The following PRELID2 variants were observed in gnomAD, a reference collection of about 807,000 sequenced individuals.
PRELID2 encodes the protein PRELI domain-containing protein 2.
PRELID2 carries 25 observed loss-of-function variants against 28.4 expected under a neutral mutation model. The observed-to-expected ratio is 0.88, with a 90% confidence interval of 0.64 to 1.23. The LOEUF is 1.23. Among genes scored for constraint, PRELID2 ranks in the 50% most tolerant of loss-of-function variants. The probability of loss-of-function intolerance (pLI) is 0.00; values close to 1 mark genes in which losing one functional copy is unlikely to be tolerated. For synonymous variants in PRELID2, 76 were observed against 71.6 expected (o/e 1.06, Z -0.31); for missense variants, 201 against 214.4 (o/e 0.94, Z 0.39).
the PRELID2 span, among the ~76,000 whole-genome samples, chr5:145,292,306 G>T: frequency 6.6e-6 from 1 of 152,080 alleles, no homozygotes; most frequent in African/African-American, 2.4e-5. Context: ...GACTAAACAA[G>T]ACAAGAGAGG....
rs369759906 is a variant in PRELID2, at chr5:145,504,123, A to C, written n.71-30808T>G. Among the ~76,000 whole-genome samples the C allele has an allele frequency of 5.3e-5, 8 of 152,270 alleles. No homozygotes were observed. In the East Asian group the frequency reaches 1.5e-3, roughly 29 times the overall value. On this transcript the variant is annotated intron_variant and non_coding_transcript_variant, in intron 1 of 2. Coordinates refer to the PRELID2 transcript ENST00000510259. ...CTTTAAAGTGCTAGACTATAATGCC[A>C]CTCAGACTGGTGAGCAACCAAGAAT...
chr5:145,349,485 T>C, the PRELID2 span, among the ~76,000 whole-genome samples: 406 of 152,146 alleles, frequency 2.7e-3, no homozygotes, highest in Middle Eastern at 6.8e-3. Flanking sequence ...CTTATTATTA[T>C]ATGACTTCAT....
intron 1 of PRELID2, among the ~76,000 whole-genome samples, chr5:145,705,195 CT>C (rs199698718): frequency 1.6e-3 from 229 of 144,568 alleles, no homozygotes; most frequent in East Asian, 2.8e-3. Flanking sequence ...CAAAAAGTAC[CT>C]TTTTTTTTTT....
chr5:145,317,962 C>T, the PRELID2 span, among the ~76,000 whole-genome samples: 1 of 152,154 alleles, frequency 6.6e-6, no homozygotes, highest in Admixed American at 6.5e-5. Flanking sequence ...TAGCAGCTAA[C>T]ATTTGCTGAA....
chr5:145,530,079 T>C (rs1482170866), intron 1 of PRELID2, among the ~76,000 whole-genome samples: 2 of 152,028 alleles, frequency 1.3e-5, no homozygotes, highest in Non-Finnish European at 2.9e-5. Flanking sequence ...CAGAAGAGGG[T>C]ACTATTATCC....
intron 4 of PRELID2, among the ~76,000 whole-genome samples, chr5:145,816,997 G>A (rs887915136): frequency 2.0e-5 from 3 of 150,630 alleles, no homozygotes; most frequent in African/African-American, 4.9e-5. Flanking sequence ...CCGTATCTAC[G>A]AAACAAATTT....
At chr5:145,428,089 G>A in the PRELID2 span, among the ~76,000 whole-genome samples, 15 of 152,078 alleles carry the variant, frequency 9.9e-5, no homozygotes, top group African/African-American at 2.9e-4. Flanking sequence ...ATCCGGAGTA[G>A]CTGGGATTAC....
At chr5:145,568,653 T>C (rs62392711) in intron 1 of PRELID2, among the ~76,000 whole-genome samples, 5,778 of 152,320 alleles carry the variant, frequency 0.038, 220 homozygotes, top group African/African-American at 0.094. Context: ...AGAAAGATAG[T>C]GTTTGCTATT....
intron 1 of PRELID2, among the ~76,000 whole-genome samples, chr5:145,516,169 G>A (rs373905276): frequency 9.2e-5 from 14 of 152,124 alleles, no homozygotes; most frequent in East Asian, 3.9e-4. Context: ...AGAAATAAAG[G>A]TTATTCAAAT....
the PRELID2 span, among the ~76,000 whole-genome samples, chr5:145,325,983 A>T: frequency 2.6e-5 from 4 of 152,162 alleles, no homozygotes; most frequent in African/African-American, 9.7e-5. Flanking sequence ...ATATTTACAG[A>T]CATTGGACAA....
At chr5:145,500,917 C>T (rs149199731) in intron 1 of PRELID2, among the ~76,000 whole-genome samples, 110 of 152,166 alleles carry the variant, frequency 7.2e-4, no homozygotes, top group Admixed American at 1.6e-3. Context: ...TACAATGCTC[C>T]GGGTGACCAA....
At chr5:145,607,893 G>T (rs538138539) in intron 1 of PRELID2, among the ~76,000 whole-genome samples, 2 of 152,256 alleles carry the variant, frequency 1.3e-5, no homozygotes, top group East Asian at 1.9e-4. Context: ...CTTCATAGGT[G>T]TCTAAGAACT....
chr5:145,346,573 G>A, the PRELID2 span, among the ~76,000 whole-genome samples: 5 of 152,132 alleles, frequency 3.3e-5, no homozygotes, highest in Non-Finnish European at 7.4e-5. Context: ...ACTAATAGCA[G>A]CTAAGAATAA....
At chr5:145,230,245 G>A in the PRELID2 span, among the ~76,000 whole-genome samples, 3 of 152,086 alleles carry the variant, frequency 2.0e-5, no homozygotes, top group East Asian at 3.9e-4. Context: ...GAAGGGTGTG[G>A]GGAAGCTGCG....
rs1054827604 is a variant in PRELID2, at chr5:145,756,865, T to A, written c.*3671A>T. Among the ~76,000 whole-genome samples, 2 of 151,924 alleles carry A rather than the reference T, an allele frequency of 1.3e-5. No homozygotes were observed. Among genetic ancestry groups the A allele is most frequent in the Admixed American group, 6.6e-5 (1 of 15,242 alleles). ...AGTAATGGGAGAGATAAATGACAGATAAAAGTGAGGGAAAAGAAAAACTCT... is the reference window on the plus strand; with the variant it reads ...AGTAATGGGAGAGATAAATGACAGAAAAAAGTGAGGGAAAAGAAAAACTCT... On this transcript the variant is annotated 3_prime_UTR_variant, in exon 7 of 7. Coordinates refer to ENST00000683046, the MANE Select transcript of PRELID2 (RefSeq NM_205846.3).
chr5:145,657,760 C>T (rs1245445672), intron 1 of PRELID2, among the ~76,000 whole-genome samples: 1 of 152,132 alleles, frequency 6.6e-6, no homozygotes, highest in Non-Finnish European at 1.5e-5. Context: ...CTGGACTCCT[C>T]AAATGTTGAC....
intron 1 of PRELID2, among the ~76,000 whole-genome samples, chr5:145,604,748 GTTTTTTTTT>G (rs377653737): frequency 9.2e-6 from 1 of 109,000 alleles, no homozygotes; most frequent in African/African-American, 3.3e-5. Flanking sequence ...GTTTTTTTTG[GTTTTTTTTT>G]TTTTTTTTTT....
At chr5:145,707,754 T>A (rs1755585826) in intron 1 of PRELID2, among the ~76,000 whole-genome samples, 1 of 152,104 alleles carries the variant, frequency 6.6e-6, no homozygotes, top group Non-Finnish European at 1.5e-5. Context: ...CAAATCCAAA[T>A]CTTCCTGATT....
At chr5:145,399,406 A>G in the PRELID2 span, among the ~76,000 whole-genome samples, 1 of 152,138 alleles carries the variant, frequency 6.6e-6, no homozygotes, top group Non-Finnish European at 1.5e-5. Flanking sequence ...TCATTTCTAT[A>G]TCCTGCTAAA....
Sources: gnomAD v4.1 joint callset for allele counts (sites outside exome capture counted in the v4.1 genomes callset) on GRCh38, gnomAD v4.1.1 for gene constraint, MANE v1.5 for transcripts, NCBI Gene and HGNC (gene_info 2026-07-23, HGNC 2026-07-21) for gene names.